TMCO6: variants seen among roughly 807,000 people sequenced by gnomAD.
TMCO6 encodes the protein transmembrane and coiled-coil domain-containing protein 6.
Under a neutral mutation model 61.8 loss-of-function variants are expected in TMCO6, and 47 were observed. The ratio of observed to expected loss-of-function variants is 0.76; its 90% CI spans 0.60 to 0.97. The LOEUF is 0.97. Ranked by LOEUF, TMCO6 falls within the 50% of genes least tolerant of loss-of-function variation. The pLI is 0.00. For missense variants in TMCO6, 557 were observed against 601.6 expected (o/e 0.93, Z 0.78); for synonymous variants, 261 against 254.2 (o/e 1.03, Z -0.25).
the TMCO6 span, among the ~76,000 whole-genome samples, chr5:140,598,894 C>A: frequency 1.3e-5 from 2 of 152,140 alleles, no homozygotes; most frequent in African/African-American, 4.8e-5. Flanking sequence ...GGAGATCACA[C>A]CACTGCACTC....
chr5:140,606,209 C>T, the TMCO6 span, among the ~76,000 whole-genome samples: 1 of 145,206 alleles, frequency 6.9e-6, no homozygotes, highest in Non-Finnish European at 1.5e-5. Context: ...GTCACCCAGG[C>T]TGGAGTGCAG....
chr5:140,624,471 TA>T, the TMCO6 span, among the ~76,000 whole-genome samples: 3 of 152,212 alleles, frequency 2.0e-5, no homozygotes, highest in South Asian at 6.2e-4. Flanking sequence ...AGAACATTTT[TA>T]TCACCCCAAA....
the TMCO6 span, among the ~76,000 whole-genome samples, chr5:140,615,424 A>G: frequency 6.6e-6 from 1 of 152,120 alleles, no homozygotes; most frequent in African/African-American, 2.4e-5. Context: ...TTTTTTTTTC[A>G]GAAATGGAAA....
rs200904107 is a variant in TMCO6, at chr5:140,642,014, C to G, written c.459C>G (p.Tyr153Ter). 4 of 1,612,646 alleles carry G rather than the reference C, an allele frequency of 2.5e-6. No homozygotes were observed. Among genetic ancestry groups the G allele is most frequent in the Non-Finnish European group, 3.4e-6 (4 of 1,178,726 alleles). The part of the protein sequence containing the change: ...VAEACLPATS[Y>*]LLTYLSSHSS... ...AGGCCTGCCTGCCAGCCACTTCTTA[C>G]CTCCTCACCTACCTCTCCAGTCACA... Residue 153 changes from tyrosine to a stop codon, truncating the protein, a stop_gained, in exon 4 of 12, where the codon TAC becomes TAG. Coordinates refer to ENST00000394671, the MANE Select transcript of TMCO6 (RefSeq NM_018502.5). LOFTEE classifies it high-confidence loss of function.
chr5:140,617,300 A>T, the TMCO6 span, among the ~76,000 whole-genome samples: 1 of 151,898 alleles, frequency 6.6e-6, no homozygotes, highest in South Asian at 2.1e-4. Context: ...GGTGGCTTAC[A>T]CCTGTAATCC....
the TMCO6 span, among the ~76,000 whole-genome samples, chr5:140,605,404 G>T: frequency 6.6e-6 from 1 of 152,128 alleles, no homozygotes; most frequent in East Asian, 1.9e-4. Flanking sequence ...TTTAGGCCAG[G>T]TGTGGTGGTT....
chr5:140,632,494 G>A, the TMCO6 span: 5 of 1,613,900 alleles, frequency 3.1e-6, no homozygotes, highest in African/African-American at 5.3e-5. This position sits in a 1 kb window ranked among gnomAD's most constrained non-coding sequence, Gnocchi z 6.2. Flanking sequence ...CACTGCTGCA[G>A]CTCGGCGAGC....
At chr5:140,635,029 G>A (rs1268410660), upstream of TMCO6, among the ~76,000 whole-genome samples, 1 of 152,160 alleles carries the variant, frequency 6.6e-6, no homozygotes, top group East Asian at 1.9e-4. Flanking sequence ...TGATTCACCT[G>A]CCTCGGCCTC....
the TMCO6 span, among the ~76,000 whole-genome samples, chr5:140,622,808 A>G: frequency 6.6e-6 from 1 of 151,988 alleles, no homozygotes; most frequent in African/African-American, 2.4e-5. Flanking sequence ...ACCAAAAACT[A>G]CAAGCAAGCA....
intron 2 of TMCO6, among the ~76,000 whole-genome samples, chr5:140,640,278 C>T (rs1756933902): frequency 6.6e-6 from 1 of 152,222 alleles, no homozygotes; most frequent in Non-Finnish European, 1.5e-5. Flanking sequence ...TCAGTTTTCT[C>T]ATCCTACCCA....
At chr5:140,613,179 A>T in the TMCO6 span, among the ~76,000 whole-genome samples, 1 of 152,092 alleles carries the variant, frequency 6.6e-6, no homozygotes, top group Non-Finnish European at 1.5e-5. Context: ...TCACAAGGTC[A>T]AGAGCTCGAG....
chr5:140,637,507 C>T (rs1242323152), upstream of TMCO6, among the ~76,000 whole-genome samples: 3 of 152,080 alleles, frequency 2.0e-5, no homozygotes, highest in African/African-American at 7.2e-5. Flanking sequence ...TCTAAGGCCG[C>T]CCCCCACAAC....
the TMCO6 span, chr5:140,632,626 C>G: frequency 6.2e-7 from 1 of 1,613,890 alleles, no homozygotes; most frequent in African/African-American, 1.3e-5. This position sits in a 1 kb window ranked among gnomAD's most constrained non-coding sequence, Gnocchi z 6.2. Context: ...AGCGTCAGTT[C>G]CTTGAGGCGG....
Position 140,639,796 on chromosome 5 carries a change from A to G in TMCO6, c.143A>G (p.Asp48Gly), listed in dbSNP as rs1244079769. Residue 48 changes from aspartate (D) to glycine (G), a missense_variant, in exon 2 of 12, where the codon GAC becomes GGC. Transcript: ENST00000394671. ...QLVSKRLLRN[D>G]APEEAGEGCV... ...GTCAGCAAGAGGCTGCTGAGAAACGACGCCCCAGAGGAAGCTGGAGAGGGA... is the reference window on the plus strand; with the variant it reads ...GTCAGCAAGAGGCTGCTGAGAAACGGCGCCCCAGAGGAAGCTGGAGAGGGA... The G allele has an allele frequency of 6.2e-7, 1 of 1,609,850 alleles. No individual in the cohort carries two copies. Among genetic ancestry groups the G allele is most frequent in the Non-Finnish European group, 8.5e-7 (1 of 1,178,702 alleles).
chr5:140,611,268 T>C, the TMCO6 span, among the ~76,000 whole-genome samples: 1 of 152,158 alleles, frequency 6.6e-6, no homozygotes, highest in Non-Finnish European at 1.5e-5. Flanking sequence ...TTCCCATACA[T>C]CTTCCTGCAG....
At chr5:140,643,219 G>T in intron 7 of TMCO6, 178 bp downstream of exon 7, 1 of 838,950 alleles carries the variant, frequency 1.2e-6, no homozygotes, top group Admixed American at 2.8e-5. Flanking sequence ...TTTTGAGACA[G>T]TCTCACTCTG....
At chr5:140,611,567 G>T in the TMCO6 span, among the ~76,000 whole-genome samples, 1 of 152,146 alleles carries the variant, frequency 6.6e-6, no homozygotes, top group Non-Finnish European at 1.5e-5. Context: ...ACTTAAAGTG[G>T]CAGTGTTTGT....
At chr5:140,621,375 T>C in the TMCO6 span, among the ~76,000 whole-genome samples, 1 of 152,234 alleles carries the variant, frequency 6.6e-6, no homozygotes, top group African/African-American at 2.4e-5. Context: ...TATGCCTGTC[T>C]TTACTGCAAT....
chr5:140,643,925 G>C lies in TMCO6; in HGVS notation c.1064G>C (p.Ser355Thr), dbSNP rs199537484. ...LLQFFFQKQP[S>T]LLPEGLWLLN... ...CAGTTCTTTTTCCAGAAACAGCCCA[G>C]TCTGCTCCCTGAGGGCCTTTGGCTC... The change falls in exon 9 of 12, where the codon AGT becomes ACT. Residue 355 changes from serine (S) to threonine (T), a missense_variant. Physicochemically the swap from Ser to Thr is moderately conservative, Grantham distance 58. Transcript: ENST00000394671. 2.5e-6 allele frequency: 4 copies of C among 1,614,104 alleles called. No homozygotes were observed. The highest frequency in any genetic ancestry group is 1.7e-5 in the Admixed American group (1 of 60,000).
Sources: allele counts gnomAD v4.1 joint callset (sites outside exome capture counted in the v4.1 genomes callset), GRCh38; gene constraint gnomAD v4.1.1; non-coding constraint Gnocchi (gnomAD v3.1); transcripts MANE v1.5; gene names NCBI Gene and HGNC (gene_info 2026-07-23, HGNC 2026-07-21).